The following PRPF19 variants were observed in gnomAD, a reference collection of about 807,000 sequenced individuals.
The protein encoded by PRPF19 is pre-mRNA processing factor 19.
Under a neutral mutation model 64.2 loss-of-function variants are expected in PRPF19, and 2 were observed. The observed-to-expected ratio is 0.03, with a 90% CI of 0.01 to 0.10. PRPF19 has a LOEUF of 0.10. PRPF19 is among the 10% of genes least tolerant of loss of function. The pLI is 1.00. For synonymous variants in PRPF19, 226 were observed against 251.6 expected (o/e 0.90, Z 0.96); for missense variants, 314 against 650.0 (o/e 0.48, Z 5.62).
Position 60,898,397 on chromosome 11 carries a change from C to T in PRPF19, c.1141-126G>A. ...CAGGAAGGACAGCCAGCGGGACCCC[C>T]CAGACCACACCATCATATCACACAC... On this transcript the variant is annotated intron_variant, in intron 13 of 15. Coordinates refer to ENST00000227524, the MANE Select transcript of PRPF19 (RefSeq NM_014502.5). The surrounding 1 kb of genome is among the most constrained non-coding windows in gnomAD (Gnocchi z 4.6). 6.6e-7 allele frequency: 1 copy of T among 1,520,706 alleles called. No individual in the cohort carries two copies. The highest frequency in any genetic ancestry group is 8.9e-7 in the Non-Finnish European group (1 of 1,126,442). 94.2% of individuals were successfully genotyped at this position (1,520,706 alleles called of 1,614,324 possible).
chr11:60,903,618 G>GC (rs1329520983), intron 2 of PRPF19, 83 bp from the exon 3 acceptor site: 10 of 1,587,644 alleles, frequency 6.3e-6, no homozygotes, highest in Non-Finnish European at 8.6e-6. Flanking sequence ...GCCATAAACA[G>GC]CCCACCATCT....
chr11:60,905,873 C>T (rs1472496635), intron 1 of PRPF19, among the ~76,000 whole-genome samples: 1 of 152,222 alleles, frequency 6.6e-6, no homozygotes, highest in Non-Finnish European at 1.5e-5. Flanking sequence ...CTTGCCTCTA[C>T]CTCTAACTCA....
At chr11:60,905,080 T>G (rs1856029168) in intron 1 of PRPF19, among the ~76,000 whole-genome samples, 1 of 152,236 alleles carries the variant, frequency 6.6e-6, no homozygotes, top group Non-Finnish European at 1.5e-5. Context: ...CACATTTGCA[T>G]GGCACATTTC....
Position 60,902,655 on chromosome 11 carries a change from A to G in PRPF19, c.390T>C (p.Ala130=). Residue 130 remains alanine (A), a splice_region_variant and synonymous_variant, in exon 5 of 16, where the codon GCT becomes GCC. Transcript: ENST00000227524. This position sits in a 1 kb window ranked among gnomAD's most constrained non-coding sequence, Gnocchi z 5.0. ...CAGCCTGTGGTTTCAGGGTAGCCAG[A>G]GCTGAGAGAAAAGACGATGTTAGAA... ...LTKEVTAARE[A]LATLKPQAGL... 6.2e-7 allele frequency: 1 copy of G among 1,614,228 alleles called. No individual in the cohort carries two copies. The highest frequency in any genetic ancestry group is 8.5e-7 in the Non-Finnish European group (1 of 1,180,034).
chr11:60,891,211 G>A lies in PRPF19; in HGVS notation c.1470C>T (p.Ile490=), dbSNP rs923323582. ...GVAFGHHAKF[I]ASTGMDRSLK... ...GGCTTCTGTCCATGCCTGTTGAAGC[G>A]ATGAACTTGGCGTGATGCCCGAAGG... is the stretch of plus-strand genomic sequence containing the variant. Residue 490 remains isoleucine, a synonymous_variant, in exon 16 of 16, where the codon ATC becomes ATT. Transcript: ENST00000227524. The A allele has an allele frequency of 8.7e-6, 14 of 1,611,944 alleles. No homozygotes were observed. Among genetic ancestry groups the A allele is most frequent in the East Asian group, 2.2e-5 (1 of 44,748 alleles).
rs1855849287 is a variant in PRPF19 at position 60,890,903 on chromosome 11, A to G, written c.*263T>C. On this transcript the variant is annotated 3_prime_UTR_variant, in exon 16 of 16. Transcript: ENST00000227524. The stretch of plus-strand genomic sequence containing the variant: ...CGTCCATTGAACGACAGGAAGGGAG[A>G]GGCCCTGGGCTCCGACCCTGGGCCT... The G allele has an allele frequency of 3.5e-6, 2 of 579,536 alleles. No homozygotes were observed. Among genetic ancestry groups the G allele is most frequent in the African/African-American group, 1.8e-5 (1 of 54,220 alleles). 35.9% of individuals were successfully genotyped at this position (579,536 alleles called of 1,614,324 possible).
chr11:60,897,739 G>A, intron 15 of PRPF19, 107 bp downstream of exon 15: 2 of 908,326 alleles, frequency 2.2e-6, no homozygotes, highest in Non-Finnish European at 3.5e-6. Context: ...GTAACAGAAA[G>A]CTGCTTAGGT....
Position 60,898,000 on chromosome 11 carries a change from T to C in PRPF19, c.1312-49A>G, listed in dbSNP as rs7948261. 8,763 of 1,608,384 alleles carry C rather than the reference T, an allele frequency of 5.4e-3. 373 individuals carry two copies. The African/African-American group carries it at 0.1, about 18-fold the overall frequency. On this transcript the variant is annotated intron_variant, in intron 14 of 15. Transcript: ENST00000227524. ...GGTCACACAAGGGGAACAGAAACTA[T>C]GGGGCAGTTGCGGATAAGCAGAAGC...
intron 15 of PRPF19, among the ~76,000 whole-genome samples, chr11:60,892,954 A>G (rs1384556615): frequency 6.7e-6 from 1 of 150,198 alleles, no homozygotes; most frequent in African/African-American, 2.5e-5. Flanking sequence ...TTGTGTCACC[A>G]CCACCCCCTA....
chr11:60,904,118 A>C (rs750631778), intron 1 of PRPF19, among the ~76,000 whole-genome samples: 14 of 152,188 alleles, frequency 9.2e-5, no homozygotes, highest in Non-Finnish European at 1.9e-4. Flanking sequence ...AATAATTATT[A>C]ACAACTACTA....
chr11:60,891,104 C>CA lies in PRPF19; in HGVS notation c.*61_*62insT. Reference sequence around the variant, plus strand: ...CCATAGATTCCCCCCACCCCCCCCCCCAAACCCTAATTCTACCCCTCTACT... The same window carrying CA: ...CCATAGATTCCCCCCACCCCCCCCCCACAAACCCTAATTCTACCCCTCTACT... On this transcript the variant is annotated 3_prime_UTR_variant, in exon 16 of 16. Transcript: ENST00000227524. 1 of 565,958 alleles carries CA rather than the reference C, an allele frequency of 1.8e-6. No individual in the cohort carries two copies. Among genetic ancestry groups the CA allele is most frequent in the South Asian group, 1.7e-5 (1 of 58,274 alleles). 35.1% of individuals were successfully genotyped at this position (565,958 alleles called of 1,614,324 possible).
intron 8 of PRPF19, 123 bp from the exon 9 acceptor site, chr11:60,901,052 T>A: frequency 6.1e-6 from 7 of 1,146,446 alleles, no homozygotes; most frequent in Non-Finnish European, 9.0e-6. Flanking sequence ...TTACTTCTAT[T>A]CCTTATCCAT....
intron 15 of PRPF19, 131 bp from the exon 16 acceptor site, chr11:60,891,394 T>G (rs1239476872): frequency 1.4e-6 from 1 of 697,818 alleles, no homozygotes; most frequent in East Asian, 2.8e-5. Context: ...AGGCTCCTGT[T>G]TGTTTTCCCT....
Position 60,902,683 on chromosome 11 carries a change from G to A in PRPF19, c.389-27C>T. ...TGAGAGAAAAGACGATGTTAGAAAT[G>A]GGATATTACAATGCAGAACCAGCCC... On this transcript the variant is annotated intron_variant, in intron 4 of 15. Coordinates refer to ENST00000227524, the MANE Select transcript of PRPF19 (RefSeq NM_014502.5). This position sits in a 1 kb window ranked among gnomAD's most constrained non-coding sequence, Gnocchi z 5.0. 1 of 1,614,106 alleles carries A rather than the reference G, an allele frequency of 6.2e-7. No individual in the cohort carries two copies. The highest frequency in any genetic ancestry group is 8.5e-7 in the Non-Finnish European group (1 of 1,179,960).
At chr11:60,905,572 G>C (rs1856036496) in intron 1 of PRPF19, 3 of 152,196 alleles carry the variant, frequency 2.0e-5, no homozygotes, top group Admixed American at 1.3e-4. Context: ...AAAGATAGTG[G>C]AAGGTATGAA....
Position 60,900,938 on chromosome 11 carries a change from AG to A in PRPF19, c.643-10del. On this transcript the variant is annotated splice_polypyrimidine_tract_variant and intron_variant, in intron 8 of 15. Coordinates refer to ENST00000227524, the MANE Select transcript of PRPF19 (RefSeq NM_014502.5). ...CTGGCACTGTGCAACCCCTTTGCAG[AG>A]AGACACACCAAACCCTGTCACGGCC... 6.2e-7 allele frequency: 1 copy of A among 1,614,076 alleles called. No individual in the cohort carries two copies.
At chr11:60,901,221 C>A (rs754816713) in intron 8 of PRPF19, 74 bp downstream of exon 8, 111 of 1,506,856 alleles carry the variant, frequency 7.4e-5, no homozygotes, top group Non-Finnish European at 9.3e-5. Context: ...CTCAGCACTC[C>A]CCATGCTGGC....
intron 15 of PRPF19, among the ~76,000 whole-genome samples, chr11:60,891,631 T>A (rs11823331): frequency 1.3e-5 from 2 of 152,204 alleles, no homozygotes; most frequent in East Asian, 3.8e-4. Context: ...TAGCTCATAG[T>A]GTTCCAACCC....
chr11:60,895,897 A>T (rs1855914379), intron 15 of PRPF19, among the ~76,000 whole-genome samples: 2 of 152,198 alleles, frequency 1.3e-5, no homozygotes. Context: ...TCATTTATCA[A>T]ATAAATTCAG....
Sources: gnomAD v4.1 joint callset for allele counts (sites outside exome capture counted in the v4.1 genomes callset) on GRCh38, gnomAD v4.1.1 for gene constraint, Gnocchi (gnomAD v3.1) non-coding constraint, MANE v1.5 for transcripts, NCBI Gene and HGNC (gene_info 2026-07-23, HGNC 2026-07-21) for gene names.